Variants in TRIM51G observed in about 807,000 individuals in gnomAD.
TRIM51G encodes tripartite motif-containing protein 51G.
At chr11:48,978,157 A>G in the TRIM51G span, 1 of 530,672 alleles carries the variant, frequency 1.9e-6, no homozygotes, top group Non-Finnish European at 3.9e-6. Context: ...ATGTCTCCAA[A>G]AGACTGTAAA....
At chr11:48,978,164 T>TA in the TRIM51G span, 23 of 530,070 alleles carry the variant, frequency 4.3e-5, no homozygotes, top group African/African-American at 9.6e-5. Flanking sequence ...CAAAAGACTG[T>TA]AAAAAAAATA....
At chr11:48,980,768 G>T in the TRIM51G span, 32 of 371,108 alleles carry the variant, frequency 8.6e-5, no homozygotes, top group South Asian at 6.9e-4. Flanking sequence ...AAAAAATTAG[G>T]GTGTTTTTTT....
chr11:48,978,877 A>T, the TRIM51G span: 1 of 1,368,552 alleles, frequency 7.3e-7, no homozygotes, highest in Non-Finnish European at 1.0e-6. Context: ...CGTACCTGGA[A>T]TAGCTCCACA....
At chr11:48,976,949 T>C in the TRIM51G span, 2 of 544,252 alleles carry the variant, frequency 3.7e-6, no homozygotes, top group Non-Finnish European at 6.7e-6. Flanking sequence ...AACACAGATA[T>C]AAAAGTGTTG....
At chr11:48,977,078 C>G in the TRIM51G span, 1 of 987,176 alleles carries the variant, frequency 1.0e-6, no homozygotes, top group Non-Finnish European at 1.6e-6. Context: ...AATGGGCTGA[C>G]ACTCACCTCT....
the TRIM51G span, among the ~76,000 whole-genome samples, chr11:48,979,317 A>T: frequency 6.6e-6 from 1 of 152,266 alleles, no homozygotes; most frequent in East Asian, 1.9e-4. Flanking sequence ...ATGTTTTCTA[A>T]GATAGTTGTA....
At chr11:48,981,421 A>G in the TRIM51G span, 1 of 1,607,732 alleles carries the variant, frequency 6.2e-7, no homozygotes, top group Non-Finnish European at 8.5e-7. Context: ...CGTCCCACAT[A>G]TTTGCTCCTC....
At chr11:48,980,247 C>T in the TRIM51G span, among the ~76,000 whole-genome samples, 2 of 151,944 alleles carry the variant, frequency 1.3e-5, no homozygotes, top group African/African-American at 4.8e-5. Context: ...ATATCATACC[C>T]TCAATATAAA....
chr11:48,979,404 G>A, the TRIM51G span, among the ~76,000 whole-genome samples: 1 of 152,110 alleles, frequency 6.6e-6, no homozygotes, highest in African/African-American at 2.4e-5. Context: ...AAAATATCAA[G>A]TTATGCTGAC....
At chr11:48,978,307 A>T in the TRIM51G span, 1 of 412,504 alleles carries the variant, frequency 2.4e-6, no homozygotes, top group Non-Finnish European at 4.8e-6. Context: ...TTCTCATGAA[A>T]ATCCCAGTCT....
At chr11:48,977,346 C>G in the TRIM51G span, among the ~76,000 whole-genome samples, 1 of 152,154 alleles carries the variant, frequency 6.6e-6, no homozygotes, top group South Asian at 2.1e-4. Flanking sequence ...CACAGTTCCT[C>G]ATTTTCAAGC....
the TRIM51G span, chr11:48,978,754 G>C: frequency 1.8e-6 from 1 of 560,130 alleles, no homozygotes; most frequent in East Asian, 3.1e-5. Flanking sequence ...ATTAGTTATA[G>C]AATCGTGTTT....
the TRIM51G span, among the ~76,000 whole-genome samples, chr11:48,980,066 T>C: frequency 6.6e-6 from 1 of 151,936 alleles, no homozygotes; most frequent in African/African-American, 2.4e-5. Flanking sequence ...TAACACATCA[T>C]ATACATCACA....
the TRIM51G span, chr11:48,975,829 C>A: frequency 5.1e-6 from 7 of 1,368,788 alleles, no homozygotes; most frequent in South Asian, 7.0e-5. Context: ...GTTAAACTCC[C>A]AATAAAATTT....
chr11:48,975,815 C>T, the TRIM51G span: 6 of 1,439,542 alleles, frequency 4.2e-6, no homozygotes, highest in South Asian at 6.9e-5. Flanking sequence ...CAAGAGTGCC[C>T]CATGTTAAAC....
At chr11:48,981,164 A>C in the TRIM51G span, 7 of 1,448,146 alleles carry the variant, frequency 4.8e-6, no homozygotes, top group Non-Finnish European at 6.6e-6. Flanking sequence ...GAAGTCAAGG[A>C]AGCTCATAAC....
chr11:48,978,641 AC>A, the TRIM51G span, among the ~76,000 whole-genome samples: 1 of 152,272 alleles, frequency 6.6e-6, no homozygotes, highest in African/African-American at 2.4e-5. Context: ...GATGTCTGTT[AC>A]CTTGGCCATT....
At chr11:48,982,003 G>C in the TRIM51G span, among the ~76,000 whole-genome samples, 98 of 152,206 alleles carry the variant, frequency 6.4e-4, no homozygotes, top group Admixed American at 3.1e-3. Flanking sequence ...TTAATCTTAA[G>C]TGGTCTAGCA....
At chr11:48,981,522 T>C in the TRIM51G span, 2 of 1,604,534 alleles carry the variant, frequency 1.2e-6, no homozygotes, top group Non-Finnish European at 1.7e-6. Context: ...TCTGCCGTGT[T>C]GTCTTCTTGC....
Sources: gnomAD v4.1 joint callset for allele counts (sites outside exome capture counted in the v4.1 genomes callset) on GRCh38, gnomAD v4.1.1 for gene constraint, MANE v1.5 for transcripts, NCBI Gene and HGNC (gene_info 2026-07-23, HGNC 2026-07-21) for gene names.